The following CNTN1 variants were observed in gnomAD, a reference collection of about 807,000 sequenced individuals.
CNTN1 encodes contactin-1.
CNTN1 carries 38 observed loss-of-function variants against 126.4 expected under a neutral mutation model. That is an observed-to-expected ratio of 0.30 (90% CI 0.23 to 0.39). CNTN1 has a LOEUF of 0.39. Among genes scored for constraint, CNTN1 ranks in the 10% least tolerant of loss-of-function variants. CNTN1 has a pLI of 1.00. For synonymous variants in CNTN1, 413 were observed against 422.6 expected, an observed-to-expected ratio of 0.98 and a Z score of 0.28; for missense variants, 1,009 against 1,248.4, an observed-to-expected ratio of 0.81 and a Z score of 2.89.
intron 1 of CNTN1, among the ~76,000 whole-genome samples, chr12:40,759,023 C>A (rs1189104802): frequency 6.6e-6 from 1 of 152,124 alleles, no homozygotes; most frequent in African/African-American, 2.4e-5. Flanking sequence ...CCTGCCTCGG[C>A]CTCCCAAGTA....
chr12:40,841,729 C>G (rs189100038), intron 1 of CNTN1, among the ~76,000 whole-genome samples: 1 of 152,086 alleles, frequency 6.6e-6, no homozygotes, highest in East Asian at 1.9e-4. Flanking sequence ...TTTAATATCC[C>G]TTTATGACAA....
At chr12:41,003,523 C>T (rs974511948) in intron 17 of CNTN1, among the ~76,000 whole-genome samples, 3 of 151,848 alleles carry the variant, frequency 2.0e-5, no homozygotes, top group Non-Finnish European at 4.4e-5. Flanking sequence ...AGGAATGGTA[C>T]CAGCTCTTCT....
chr12:40,844,058 T>C (rs1252603970), intron 1 of CNTN1, among the ~76,000 whole-genome samples: 1 of 149,280 alleles, frequency 6.7e-6, no homozygotes. Flanking sequence ...AAAAAATTCT[T>C]TGGCACAATG....
At chr12:40,764,850 A>G (rs1939013956) in intron 1 of CNTN1, among the ~76,000 whole-genome samples, 1 of 152,108 alleles carries the variant, frequency 6.6e-6, no homozygotes, top group Non-Finnish European at 1.5e-5. Flanking sequence ...TGAACCATTG[A>G]TTGTTTAGCA....
At chr12:40,811,963 TC>T (rs1270917902) in intron 1 of CNTN1, among the ~76,000 whole-genome samples, 6 of 151,992 alleles carry the variant, frequency 3.9e-5, no homozygotes, top group Non-Finnish European at 7.4e-5. Context: ...TTTTTCTCAT[TC>T]CTTGAGATGT....
intron 23 of CNTN1, among the ~76,000 whole-genome samples, chr12:41,044,053 G>T (rs1197075398): frequency 6.7e-6 from 1 of 148,912 alleles, no homozygotes; most frequent in African/African-American, 2.5e-5. Flanking sequence ...AATGCTAAAT[G>T]ACGAGTTAAT....
chr12:40,708,832 T>G (rs1222531511), intron 1 of CNTN1, among the ~76,000 whole-genome samples: 1 of 152,240 alleles, frequency 6.6e-6, no homozygotes, highest in Non-Finnish European at 1.5e-5. Context: ...ATCATGAGAT[T>G]ATAGCAATTC....
chr12:40,912,617 T>C (rs923400635), intron 3 of CNTN1, among the ~76,000 whole-genome samples: 23 of 152,176 alleles, frequency 1.5e-4, no homozygotes, highest in African/African-American at 5.5e-4. Flanking sequence ...GACTGTATAA[T>C]ATCCAAAGCT....
intron 23 of CNTN1, chr12:41,061,747 C>A (rs758015276): frequency 4.4e-6 from 2 of 455,242 alleles, no homozygotes; most frequent in African/African-American, 2.0e-5. Context: ...AACATTAAAC[C>A]CTATCATTTT....
At chr12:40,934,503 G>T (rs1946013611) in intron 9 of CNTN1, among the ~76,000 whole-genome samples, 1 of 143,752 alleles carries the variant, frequency 7.0e-6, no homozygotes. Flanking sequence ...ACTTACATTT[G>T]GGAAGACAGA....
intron 1 of CNTN1, among the ~76,000 whole-genome samples, chr12:40,863,424 C>T (rs893081864): frequency 3.3e-5 from 5 of 152,046 alleles, no homozygotes; most frequent in Admixed American, 6.6e-5. Context: ...ATCCATAAAA[C>T]CTTAAGTATT....
At chr12:40,989,576 G>A (rs984090650) in intron 16 of CNTN1, among the ~76,000 whole-genome samples, 4 of 152,098 alleles carry the variant, frequency 2.6e-5, no homozygotes, top group East Asian at 3.9e-4. Context: ...ATTCAAGGAT[G>A]GAGAAGACAC....
chr12:40,984,652 C>T (rs1041720777), intron 16 of CNTN1, among the ~76,000 whole-genome samples: 2 of 152,164 alleles, frequency 1.3e-5, no homozygotes, highest in Admixed American at 1.3e-4. Flanking sequence ...TATTAGGCCC[C>T]ACCTCCAATA....
chr12:40,878,158 C>T (rs1283977846), intron 1 of CNTN1, among the ~76,000 whole-genome samples: 3 of 151,618 alleles, frequency 2.0e-5, no homozygotes, highest in South Asian at 2.1e-4. Flanking sequence ...CCACCAAGCC[C>T]GGCTAATGTT....
chr12:40,951,764 G>T (rs1350635597), intron 14 of CNTN1, among the ~76,000 whole-genome samples: 2 of 142,118 alleles, frequency 1.4e-5, no homozygotes, highest in African/African-American at 2.6e-5. Context: ...AAATGGTTTT[G>T]TGATTATGTA....
intron 23 of CNTN1, among the ~76,000 whole-genome samples, chr12:41,053,347 C>A (rs1949726747): frequency 6.9e-6 from 1 of 145,000 alleles, no homozygotes; most frequent in Non-Finnish European, 1.5e-5. Context: ...ATATATGATA[C>A]CCAAAATGAA....
chr12:40,780,276 G>A (rs1306822406), intron 1 of CNTN1, among the ~76,000 whole-genome samples: 3 of 151,878 alleles, frequency 2.0e-5, no homozygotes, highest in African/African-American at 7.2e-5. Context: ...CATCCTGGGA[G>A]GATGACAGGT....
At chr12:41,029,902 T>C (rs1256687380) in intron 23 of CNTN1, among the ~76,000 whole-genome samples, 6 of 152,016 alleles carry the variant, frequency 3.9e-5, no homozygotes, top group African/African-American at 1.2e-4. Flanking sequence ...GAGGCAGTCA[T>C]TTCTTTTTTT....
chr12:40,701,107 G>A (rs541132422), intron 1 of CNTN1, among the ~76,000 whole-genome samples: 14 of 152,200 alleles, frequency 9.2e-5, no homozygotes, highest in South Asian at 4.1e-4. Flanking sequence ...TGTGAGTCAC[G>A]GTTTAAAATG....
Sources: gnomAD v4.1 joint callset for allele counts (sites outside exome capture counted in the v4.1 genomes callset) on GRCh38, gnomAD v4.1.1 for gene constraint, MANE v1.5 for transcripts, NCBI Gene and HGNC (gene_info 2026-07-23, HGNC 2026-07-21) for gene names.